The following ERC1 variants were observed in gnomAD, a reference collection of about 807,000 sequenced individuals.
The protein encoded by ERC1 is ELKS/RAB6-interacting/CAST family member 1.
A neutral mutation model predicts 132.0 loss-of-function variants in ERC1; 56 were observed. That is an observed-to-expected ratio of 0.42 (90% CI 0.34 to 0.53). The LOEUF is 0.53. ERC1 is among the 20% of genes least tolerant of loss of function. ERC1 has a pLI of 0.03. For synonymous variants in ERC1, 478 were observed against 476.1 expected, an observed-to-expected ratio of 1.00 and a Z score of -0.05; for missense variants, 1,202 against 1,349.9, an observed-to-expected ratio of 0.89 and a Z score of 1.72.
intron 13 of ERC1, among the ~76,000 whole-genome samples, chr12:1,256,418 TAAA>T (rs796558976): frequency 8.9e-5 from 11 of 123,652 alleles, no homozygotes; most frequent in South Asian, 2.8e-4. Context: ...GTTCTCAGAC[TAAA>T]AAAAAAAAAA....
At chr12:1,332,222 C>T (rs1230567294) in intron 15 of ERC1, among the ~76,000 whole-genome samples, 1 of 152,102 alleles carries the variant, frequency 6.6e-6, no homozygotes, top group Non-Finnish European at 1.5e-5. Context: ...TTTTATTTTG[C>T]TAAAGAGCAT....
intron 17 of ERC1, among the ~76,000 whole-genome samples, chr12:1,413,545 G>C (rs1158890820): frequency 1.3e-5 from 2 of 152,038 alleles, no homozygotes; most frequent in African/African-American, 4.8e-5. Context: ...AGTGAACCAA[G>C]ATCGCACCAC....
chr12:1,018,639 A>G (rs1229395562), intron 1 of ERC1, among the ~76,000 whole-genome samples: 3 of 152,244 alleles, frequency 2.0e-5, no homozygotes, highest in African/African-American at 4.8e-5. Flanking sequence ...CATAAACTAC[A>G]TTCAAGATTA....
chr12:1,144,647 T>TAC (rs1555268208), intron 8 of ERC1, among the ~76,000 whole-genome samples: 2 of 149,548 alleles, frequency 1.3e-5, no homozygotes, highest in African/African-American at 5.0e-5. Context: ...TGTATATATA[T>TAC]ACGTATATAT....
chr12:1,258,036 A>G (rs569405955), intron 13 of ERC1, among the ~76,000 whole-genome samples: 2 of 152,304 alleles, frequency 1.3e-5, no homozygotes, highest in South Asian at 2.1e-4. Context: ...TGGCTTCTGC[A>G]TTGGACAGTA....
At position 1,074,063 on chromosome 12, in the gene ERC1, C is replaced by T. The variant is rs1451133832; in HGVS notation, c.670-9101C>T. Among the ~76,000 whole-genome samples, 2 of 151,950 alleles carry T rather than the reference C, an allele frequency of 1.3e-5. 1 individual carries two copies. Among genetic ancestry groups the T allele is most frequent in the Non-Finnish European group, 2.9e-5 (2 of 67,988 alleles). On this transcript the variant is annotated intron_variant, in intron 2 of 18. Transcript: ENST00000360905. ...CATTTTTAGTAGAGACGGCTTTCAC[C>T]ATGATGGCCAGGATGGTCTTGATCT... is the stretch of plus-strand genomic sequence containing the variant.
Position 1,300,525 on chromosome 12 carries a change from T to G in ERC1, c.2780+10513T>G, listed in dbSNP as rs376786534. Among the ~76,000 whole-genome samples, 6 of 152,270 alleles carry G rather than the reference T, an allele frequency of 3.9e-5. No individual in the cohort carries two copies. The South Asian group carries it at 1.0e-3, about 26-fold the overall frequency. On this transcript the variant is annotated intron_variant, in intron 15 of 18. Coordinates refer to ENST00000360905, the MANE Select transcript of ERC1 (RefSeq NM_178040.4). ...CTACCAAGAGAGTAAACAGACACCC[T>G]ACAGAATGGGAGATAATTTTTCCAA...
chr12:1,451,927 G>A (rs1229765998), intron 18 of ERC1, among the ~76,000 whole-genome samples: 1 of 152,202 alleles, frequency 6.6e-6, no homozygotes, highest in East Asian at 1.9e-4. Context: ...CCTTTTAAGA[G>A]ACACACCAGG....
At position 1,481,006 on chromosome 12, in the gene ERC1, G is replaced by C. The variant is rs566092218; in HGVS notation, c.3214-9087G>C. 1.1e-5 allele frequency: 7 copies of C among 663,184 alleles called. No individual in the cohort carries two copies. The East Asian group carries it at 1.4e-4, about 13-fold the overall frequency. 41.1% of individuals were successfully genotyped at this position (663,184 alleles called of 1,614,324 possible). ...GATGGTACTGAAGCCTATAGATGCT[G>C]TTTTCTTCTATACATATATACCTGA... On this transcript the variant is annotated intron_variant, in intron 18 of 18. Transcript: ENST00000360905.
At chr12:1,441,252 G>C (rs1368436552) in intron 17 of ERC1, among the ~76,000 whole-genome samples, 1 of 151,142 alleles carries the variant, frequency 6.6e-6, no homozygotes, top group Non-Finnish European at 1.5e-5. Context: ...GTAGAGATGG[G>C]GTTTCACCGT....
At chr12:1,053,121 A>C (rs1972326282) in intron 2 of ERC1, among the ~76,000 whole-genome samples, 1 of 152,236 alleles carries the variant, frequency 6.6e-6, no homozygotes, top group South Asian at 2.1e-4. Context: ...TATGGTATAA[A>C]AAATTTAAAA....
rs74594296 is a variant in ERC1, at chr12:1,455,023, A to G, written c.3213+10273A>G. ...ATAGATTGAGGTAATGTCAAGGTGG[A>G]ACACAATTATGGTACGAAGTGTCTT... On this transcript the variant is annotated intron_variant, in intron 18 of 18. Coordinates refer to ENST00000360905, the MANE Select transcript of ERC1 (RefSeq NM_178040.4). 6.1e-3 allele frequency among the ~76,000 whole-genome samples: 922 copies of G among 152,364 alleles called. 15 individuals are homozygous for G. The highest frequency in any genetic ancestry group is 0.021 in the African/African-American group (872 of 41,580).
intron 16 of ERC1, among the ~76,000 whole-genome samples, chr12:1,373,480 A>G (rs2087488736): frequency 6.6e-6 from 1 of 152,228 alleles, no homozygotes; most frequent in Non-Finnish European, 1.5e-5. Flanking sequence ...TGTTTTCATT[A>G]TGTGAAAATT....
intron 14 of ERC1, among the ~76,000 whole-genome samples, chr12:1,273,367 G>A (rs75781751): frequency 0.029 from 4,344 of 152,138 alleles, 165 homozygotes; most frequent in Admixed American, 0.1. Flanking sequence ...GGTCAGATAC[G>A]GTTTCTAAAT....
intron 2 of ERC1, among the ~76,000 whole-genome samples, chr12:1,078,716 A>T (rs1264874112): frequency 6.6e-6 from 1 of 152,188 alleles, no homozygotes; most frequent in East Asian, 1.9e-4. Context: ...CTTAAAATGG[A>T]TTAAGAAAAA....
At chr12:1,273,795 C>CT (rs1157843650) in intron 14 of ERC1, among the ~76,000 whole-genome samples, 5 of 152,102 alleles carry the variant, frequency 3.3e-5, no homozygotes, top group African/African-American at 1.2e-4. Flanking sequence ...ACATGGATAT[C>CT]TATCTATCTA....
At chr12:1,478,753 C>T (rs983944117) in intron 18 of ERC1, among the ~76,000 whole-genome samples, 1 of 151,130 alleles carries the variant, frequency 6.6e-6, no homozygotes, top group Non-Finnish European at 1.5e-5. Flanking sequence ...CGCACCACTG[C>T]ACTCCAGCCT....
chr12:1,012,749 C>T (rs1029825413), intron 1 of ERC1, among the ~76,000 whole-genome samples: 10 of 152,032 alleles, frequency 6.6e-5, no homozygotes, highest in South Asian at 4.1e-4. Context: ...CCACTGCTCC[C>T]GGCTGATATT....
At chr12:1,390,361 G>A (rs2089842286) in intron 16 of ERC1, among the ~76,000 whole-genome samples, 2 of 151,730 alleles carry the variant, frequency 1.3e-5, no homozygotes, top group South Asian at 2.1e-4. Context: ...AAAAAATCAA[G>A]GATACAGTAA....
Sources: gnomAD v4.1 joint callset for allele counts (sites outside exome capture counted in the v4.1 genomes callset) on GRCh38, gnomAD v4.1.1 for gene constraint, MANE v1.5 for transcripts, NCBI Gene and HGNC (gene_info 2026-07-23, HGNC 2026-07-21) for gene names.